The following IL1RAPL2 variants were observed in gnomAD, a reference collection of about 807,000 sequenced individuals.
IL1RAPL2 encodes the protein interleukin 1 receptor accessory protein like 2, also known as X-linked interleukin-1 receptor accessory protein-like 2.
A neutral mutation model predicts 44.1 loss-of-function variants in IL1RAPL2; 3 were observed. That is an observed-to-expected ratio of 0.07 (90% confidence interval 0.03 to 0.18). The LOEUF (loss-of-function observed/expected upper bound fraction) is 0.18, where lower values mean the gene tolerates loss of function less well. IL1RAPL2 is among the 10% of genes least tolerant of loss of function. The pLI, the probability that IL1RAPL2 is intolerant of heterozygous loss-of-function variation, is 1.00. For synonymous variants in IL1RAPL2, 181 were observed against 178.8 expected (o/e 1.01, Z -0.10); for missense variants, 391 against 496.4 (o/e 0.79, Z 2.02).
intron 5 of IL1RAPL2, among the ~76,000 whole-genome samples, chrX:105,330,094 A>T (rs2034974323): frequency 9.0e-6 from 1 of 111,070 alleles, no homozygotes. Flanking sequence ...AACTGACTGA[A>T]TCTGAATCTG....
intron 2 of IL1RAPL2, among the ~76,000 whole-genome samples, chrX:105,068,276 C>G (rs1046238680): frequency 2.7e-5 from 3 of 111,349 alleles, no homozygotes; most frequent in Admixed American, 1.9e-4. Context: ...GTTTATTAAT[C>G]CATAGTGATG....
chrX:105,418,106 T>C lies in IL1RAPL2; in HGVS notation c.698-66207T>C, dbSNP rs761297105. Among the ~76,000 whole-genome samples, 3 of 111,289 alleles carry C rather than the reference T, an allele frequency of 2.7e-5. No individual in the cohort carries two copies. The East Asian group carries it at 8.5e-4, about 32-fold the overall frequency. On this transcript the variant is annotated intron_variant, in intron 5 of 10. Coordinates refer to ENST00000372582, the MANE Select transcript of IL1RAPL2 (RefSeq NM_017416.2). Reference sequence around the variant, plus strand: ...TAAATCATAATTACTTATCATTTTTTCAGCTTTAATGTGAACTCCAAAAAG... The same window carrying C: ...TAAATCATAATTACTTATCATTTTTCCAGCTTTAATGTGAACTCCAAAAAG...
At chrX:104,976,960 G>A (rs754799180) in intron 2 of IL1RAPL2, among the ~76,000 whole-genome samples, 4 of 110,977 alleles carry the variant, frequency 3.6e-5, no homozygotes, top group African/African-American at 9.8e-5. Flanking sequence ...AAAATGGCTA[G>A]TGGAGCAATA....
At chrX:104,677,677 C>T (rs1179719538) in intron 2 of IL1RAPL2, among the ~76,000 whole-genome samples, 2 of 112,470 alleles carry the variant, frequency 1.8e-5, no homozygotes, top group South Asian at 3.7e-4. Flanking sequence ...TAGGCAATGG[C>T]GGGCGCCCCT....
At chrX:104,591,083 C>A (rs768984429) in intron 1 of IL1RAPL2, among the ~76,000 whole-genome samples, 7 of 111,799 alleles carry the variant, frequency 6.3e-5, no homozygotes, top group Non-Finnish European at 1.3e-4. Context: ...ATTCTTCAGG[C>A]TATGGGGGCA....
chrX:104,763,861 G>C (rs1003069750), intron 2 of IL1RAPL2, among the ~76,000 whole-genome samples: 1 of 111,275 alleles, frequency 9.0e-6, no homozygotes, highest in Non-Finnish European at 1.9e-5. Context: ...GATGAGATTT[G>C]AGTGGGGACA....
At chrX:104,813,109 G>A (rs1921038566) in intron 2 of IL1RAPL2, among the ~76,000 whole-genome samples, 1 of 112,142 alleles carries the variant, frequency 8.9e-6, no homozygotes, top group Non-Finnish European at 1.9e-5. Context: ...AATGTTGTAA[G>A]TGACGTACTG....
At chrX:104,589,241 T>C (rs1056953145) in intron 1 of IL1RAPL2, among the ~76,000 whole-genome samples, 2 of 112,008 alleles carry the variant, frequency 1.8e-5, no homozygotes, top group Non-Finnish European at 3.8e-5. Context: ...GGTCCCACAA[T>C]AGGCCATCCG....
intron 2 of IL1RAPL2, among the ~76,000 whole-genome samples, chrX:105,136,676 A>C (rs1381775707): frequency 1.8e-5 from 2 of 112,450 alleles, no homozygotes. Flanking sequence ...TTTAGTTGAC[A>C]GGAGGTTGTA....
chrX:105,173,564 A>C (rs1234806968), intron 2 of IL1RAPL2, among the ~76,000 whole-genome samples: 1 of 111,026 alleles, frequency 9.0e-6, no homozygotes, highest in Non-Finnish European at 1.9e-5. Context: ...ATGCTCAATG[A>C]CAGATAAATA....
chrX:105,050,811 C>T (rs918513487), intron 2 of IL1RAPL2, among the ~76,000 whole-genome samples: 4 of 112,366 alleles, frequency 3.6e-5, no homozygotes, highest in Non-Finnish European at 5.6e-5. Flanking sequence ...CAGCTCTCAG[C>T]AGAGAGGAGG....
At chrX:104,608,405 C>A (rs902990622) in intron 1 of IL1RAPL2, among the ~76,000 whole-genome samples, 1 of 110,807 alleles carries the variant, frequency 9.0e-6, no homozygotes, top group Non-Finnish European at 1.9e-5. Flanking sequence ...CTTTCTGTCT[C>A]GTTGATCTGT....
intron 6 of IL1RAPL2, among the ~76,000 whole-genome samples, chrX:105,490,407 C>T (rs1394709376): frequency 9.0e-6 from 1 of 111,493 alleles, no homozygotes; most frequent in Non-Finnish European, 1.9e-5. Flanking sequence ...TTTATTTTTA[C>T]AGGCTATTCA....
chrX:104,736,191 G>A (rs1243256232), intron 2 of IL1RAPL2, among the ~76,000 whole-genome samples: 1 of 111,668 alleles, frequency 9.0e-6, no homozygotes, highest in African/African-American at 3.3e-5. Flanking sequence ...GATCTCCTTT[G>A]AACTATGACA....
chrX:104,895,593 G>C (rs1179376133), intron 2 of IL1RAPL2, among the ~76,000 whole-genome samples: 1 of 112,824 alleles, frequency 8.9e-6, no homozygotes, highest in Admixed American at 9.3e-5. Flanking sequence ...CCAGGCATGG[G>C]ATATAATGTC....
At chrX:105,026,343 C>G (rs1448630829) in intron 2 of IL1RAPL2, among the ~76,000 whole-genome samples, 1 of 110,282 alleles carries the variant, frequency 9.1e-6, no homozygotes, top group Non-Finnish European at 1.9e-5. Context: ...CTGAAATGCT[C>G]TAATGAGCAT....
intron 2 of IL1RAPL2, among the ~76,000 whole-genome samples, chrX:105,104,983 C>T (rs2032720163): frequency 2.7e-5 from 3 of 111,779 alleles, no homozygotes; most frequent in Admixed American, 9.5e-5. Context: ...ACATTGAAAG[C>T]CCCCTGATAA....
chrX:105,652,437 C>A (rs2037648045), intron 6 of IL1RAPL2, among the ~76,000 whole-genome samples: 1 of 111,559 alleles, frequency 9.0e-6, no homozygotes, highest in Non-Finnish European at 1.9e-5. Context: ...TTTCTATTAC[C>A]TGAAAATTAC....
intron 2 of IL1RAPL2, among the ~76,000 whole-genome samples, chrX:105,092,088 T>C (rs2227035): frequency 0.075 from 8,327 of 111,455 alleles, 780 homozygotes; most frequent in African/African-American, 0.26. Context: ...AATGTTTTTT[T>C]TATTTCATTG....
Sources: allele counts gnomAD v4.1 joint callset (sites outside exome capture counted in the v4.1 genomes callset), GRCh38; gene constraint gnomAD v4.1.1; transcripts MANE v1.5; gene names NCBI Gene and HGNC (gene_info 2026-07-23, HGNC 2026-07-21).